The following TRPM3 variants were observed in gnomAD, a reference collection of about 807,000 sequenced individuals.
The protein encoded by TRPM3 is long transient receptor potential channel 3.
TRPM3 carries 77 observed loss-of-function variants against 181.2 expected under a neutral mutation model. The ratio of observed to expected loss-of-function variants is 0.42; its 90% CI spans 0.35 to 0.51. The LOEUF (loss-of-function observed/expected upper bound fraction) is 0.51. TRPM3 is among the 20% of genes least tolerant of loss of function. TRPM3 has a pLI of 0.01. For missense variants in TRPM3, 1,759 were observed against 2,196.7 expected, an observed-to-expected ratio of 0.80 and a Z score of 3.98; for synonymous variants, 745 against 796.4, an observed-to-expected ratio of 0.94 and a Z score of 1.09.
intron 1 of TRPM3, among the ~76,000 whole-genome samples, chr9:71,170,844 T>C (rs2076814535): frequency 6.6e-6 from 1 of 152,124 alleles, no homozygotes; most frequent in Non-Finnish European, 1.5e-5. Context: ...AAGAACAGGA[T>C]AACAGCAATT....
intron 22 of TRPM3, among the ~76,000 whole-genome samples, chr9:70,582,895 C>A (rs2056255778): frequency 6.6e-6 from 1 of 152,172 alleles, no homozygotes; most frequent in Non-Finnish European, 1.5e-5. Context: ...TATAATCTTT[C>A]TTTGAAACAT....
chr9:70,940,974 T>G (rs1468508439), intron 1 of TRPM3, among the ~76,000 whole-genome samples: 1 of 152,248 alleles, frequency 6.6e-6, no homozygotes, highest in African/African-American at 2.4e-5. Flanking sequence ...TTATTATTTC[T>G]AGTACTTTGC....
intron 1 of TRPM3, among the ~76,000 whole-genome samples, chr9:71,036,020 T>C (rs1175336293): frequency 6.6e-6 from 1 of 151,424 alleles, no homozygotes; most frequent in East Asian, 1.9e-4. Flanking sequence ...GGATTTTTTT[T>C]TCAGTTGTAG....
At chr9:70,849,768 T>C (rs1021669387) in intron 3 of TRPM3, among the ~76,000 whole-genome samples, 5 of 151,614 alleles carry the variant, frequency 3.3e-5, no homozygotes, top group African/African-American at 1.2e-4. Flanking sequence ...AAAATGAATA[T>C]GCCTGCATGT....
intron 1 of TRPM3, among the ~76,000 whole-genome samples, chr9:71,326,423 T>C (rs2089685947): frequency 6.6e-6 from 1 of 152,170 alleles, no homozygotes; most frequent in Non-Finnish European, 1.5e-5. Context: ...TGCATGTATG[T>C]TTGTATGTAT....
At chr9:71,413,054 C>T (rs537099865) in intron 1 of TRPM3, among the ~76,000 whole-genome samples, 3 of 152,050 alleles carry the variant, frequency 2.0e-5, no homozygotes, top group Non-Finnish European at 2.9e-5. Context: ...ACAATGAGAA[C>T]ACTTGGACAC....
chr9:70,833,447 G>A (rs990117199), intron 5 of TRPM3, among the ~76,000 whole-genome samples: 3 of 152,242 alleles, frequency 2.0e-5, no homozygotes, highest in African/African-American at 7.2e-5. Context: ...TTTAATTTAG[G>A]CTGAAAAATA....
At chr9:71,174,086 T>C (rs1406624960) in intron 1 of TRPM3, among the ~76,000 whole-genome samples, 1 of 152,196 alleles carries the variant, frequency 6.6e-6, no homozygotes, top group African/African-American at 2.4e-5. Context: ...TGTACGAGTA[T>C]TTATATATTT....
In TRPM3 at chr9:70,534,719, T is replaced by C. The variant is rs1385035175; in HGVS notation, c.*1234A>G. On this transcript the variant is annotated 3_prime_UTR_variant, in exon 26 of 26. Transcript: ENST00000677713. ...CTAAGGTTATTTATAGTTTTGAAAC[T>C]TCCTTAAAAAGTACTTTGGAACATT... 6.6e-6 allele frequency: 1 copy of C among 152,228 alleles called. No homozygotes were observed. Among genetic ancestry groups the C allele is most frequent in the South Asian group, 2.1e-4 (1 of 4,834 alleles). 9.4% of individuals were successfully genotyped at this position (152,228 alleles called of 1,614,324 possible).
At chr9:71,119,334 T>C (rs575601516) in intron 1 of TRPM3, among the ~76,000 whole-genome samples, 1 of 152,240 alleles carries the variant, frequency 6.6e-6, no homozygotes, top group Non-Finnish European at 1.5e-5. Context: ...ATCACTTTAA[T>C]AAAGGATGGT....
intron 1 of TRPM3, among the ~76,000 whole-genome samples, chr9:71,286,539 C>G (rs1296908271): frequency 6.6e-6 from 1 of 151,942 alleles, no homozygotes; most frequent in Non-Finnish European, 1.5e-5. Flanking sequence ...AAGACTGGGA[C>G]AGGAAAAGAG....
At chr9:71,203,747 G>T (rs1005236513) in intron 1 of TRPM3, among the ~76,000 whole-genome samples, 2 of 152,160 alleles carry the variant, frequency 1.3e-5, no homozygotes, top group Non-Finnish European at 2.9e-5. Context: ...GCCTGGAACA[G>T]TATGGGGAGC....
At chr9:71,006,586 T>G (rs1189281119) in intron 1 of TRPM3, among the ~76,000 whole-genome samples, 2 of 152,080 alleles carry the variant, frequency 1.3e-5, no homozygotes, top group African/African-American at 2.4e-5. Flanking sequence ...AAATGGACTT[T>G]AAGCCGGGTA....
At chr9:70,765,590 TCAAAAAACAAAAA>T (rs1383668381) in intron 7 of TRPM3, among the ~76,000 whole-genome samples, 1 of 151,602 alleles carries the variant, frequency 6.6e-6, no homozygotes, top group East Asian at 1.9e-4. Context: ...CGACTCCATC[TCAAAAAACAAAAA>T]CAAAAAACAA....
chr9:70,618,749 T>C lies in TRPM3; in HGVS notation c.2358+118A>G, dbSNP rs1214926062. On this transcript the variant is annotated intron_variant, in intron 17 of 25. Transcript: ENST00000677713. ...ACAGGATTCTGAGGCACAGTCAGGA[T>C]TTAGAACCTCCCTCCTGAGATAAGA... 11 of 853,932 alleles carry C rather than the reference T, an allele frequency of 1.3e-5. No individual in the cohort carries two copies. The Admixed American group carries it at 2.6e-4, about 20-fold the overall frequency. 52.9% of individuals were successfully genotyped at this position (853,932 alleles called of 1,614,324 possible).
chr9:70,823,043 T>G (rs574523326), intron 6 of TRPM3, among the ~76,000 whole-genome samples: 2 of 152,242 alleles, frequency 1.3e-5, no homozygotes, highest in African/African-American at 2.4e-5. Flanking sequence ...CGTGGCCTGC[T>G]CTTCAGCTCT....
At position 71,282,827 on chromosome 9, in the gene TRPM3, A is replaced by G. The variant is rs112673756; in HGVS notation, c.183+163826T>C. Among the ~76,000 whole-genome samples, 1,345 of 152,272 alleles carry G rather than the reference A, an allele frequency of 8.8e-3. 27 individuals carry two copies. Among genetic ancestry groups the G allele is most frequent in the African/African-American group, 0.031 (1,284 of 41,554 alleles). ...GATGTGACTAGATATCTTTAAGTCA[A>G]TAAGACCTAAGGTATGTGTGTATGC... On this transcript the variant is annotated intron_variant, in intron 1 of 24. Coordinates refer to the TRPM3 transcript ENST00000357533.
rs948248242 is a variant in TRPM3 at position 70,968,788 on chromosome 9, T to C, written c.178-104277A>G. 4.6e-5 allele frequency among the ~76,000 whole-genome samples: 7 copies of C among 152,128 alleles called. No homozygotes were observed. In the East Asian group the frequency reaches 1.4e-3, roughly 29 times the overall value. On this transcript the variant is annotated intron_variant, in intron 1 of 25. Transcript: ENST00000677713. ...TATTCTATTTTATAGATAAACGGTG[T>C]TGGGAAAACTGGCTAGCCATATGCA... is the stretch of plus-strand genomic sequence containing the variant.
chr9:70,606,651 G>GTGTGTGTATATA (rs145779027), intron 19 of TRPM3, among the ~76,000 whole-genome samples: 86 of 140,742 alleles, frequency 6.1e-4, no homozygotes, highest in South Asian at 5.8e-3. Context: ...GTGTGTGTGT[G>GTGTGTGTATATA]TATATATATA....
Sources: allele counts gnomAD v4.1 joint callset (sites outside exome capture counted in the v4.1 genomes callset), GRCh38; gene constraint gnomAD v4.1.1; transcripts MANE v1.5; gene names NCBI Gene and HGNC (gene_info 2026-07-23, HGNC 2026-07-21).